NUP210L: variants seen among roughly 807,000 people sequenced by gnomAD.
NUP210L encodes nucleoporin 210 like, also known as nuclear pore membrane glycoprotein 210-like.
A neutral mutation model predicts 208.5 loss-of-function variants in NUP210L; 74 were observed. The observed-to-expected ratio is 0.35, with a 90% confidence interval of 0.29 to 0.43. The LOEUF (loss-of-function observed/expected upper bound fraction) is 0.43. Among genes scored for constraint, NUP210L ranks in the 20% least tolerant of loss-of-function variants. The pLI is 1.00. For synonymous variants in NUP210L, 780 were observed against 816.9 expected, an observed-to-expected ratio of 0.95 and a Z score of 0.77; for missense variants, 1,843 against 2,289.4, an observed-to-expected ratio of 0.81 and a Z score of 3.98.
At chr1:154,067,823 C>T (rs1478546576) in intron 17 of NUP210L, among the ~76,000 whole-genome samples, 1 of 152,178 alleles carries the variant, frequency 6.6e-6, no homozygotes, top group African/African-American at 2.4e-5. Context: ...AGAGCCAAAT[C>T]ATGAGTGAAC....
At chr1:154,118,232 C>T (rs1443876162) in intron 11 of NUP210L, among the ~76,000 whole-genome samples, 1 of 151,986 alleles carries the variant, frequency 6.6e-6, no homozygotes, top group African/African-American at 2.4e-5. Context: ...TCGCTTCAAC[C>T]TGGGAGACAG....
At chr1:154,138,270 A>C in intron 5 of NUP210L, 32 bp from the exon 6 acceptor site, 1 of 1,502,754 alleles carries the variant, frequency 6.7e-7, no homozygotes, top group East Asian at 2.6e-5. Context: ...AAAAAAAAAC[A>C]GTTTCCATGG....
At chr1:154,112,605 C>T (rs553893648) in intron 12 of NUP210L, among the ~76,000 whole-genome samples, 1 of 152,124 alleles carries the variant, frequency 6.6e-6, no homozygotes, top group Admixed American at 6.6e-5. Context: ...TTAAAAATTA[C>T]AGCACTTTGG....
intron 6 of NUP210L, 54 bp from the exon 7 acceptor site, chr1:154,136,026 A>G: frequency 1.7e-6 from 2 of 1,181,320 alleles, no homozygotes; most frequent in South Asian, 2.5e-5. Context: ...TCCAGTAGAT[A>G]ATGATGTATT....
At chr1:154,094,662 T>C (rs1339945724) in intron 15 of NUP210L, among the ~76,000 whole-genome samples, 2 of 152,166 alleles carry the variant, frequency 1.3e-5, no homozygotes, top group Non-Finnish European at 1.5e-5. Context: ...ATAATGATAA[T>C]GTGATTGCAA....
intron 12 of NUP210L, among the ~76,000 whole-genome samples, chr1:154,109,051 G>C (rs2148077333): frequency 6.6e-6 from 1 of 151,864 alleles, no homozygotes; most frequent in African/African-American, 2.4e-5. Context: ...GGTGAGCCGA[G>C]ATCATGCCAT....
At chr1:154,057,756 C>T (rs1212187314) in intron 22 of NUP210L, among the ~76,000 whole-genome samples, 5 of 144,190 alleles carry the variant, frequency 3.5e-5, no homozygotes, top group East Asian at 2.2e-4. Flanking sequence ...AGATGTAGGC[C>T]GTGCTATGTT....
chr1:154,023,874 C>T (rs1294608446), intron 30 of NUP210L, among the ~76,000 whole-genome samples: 9 of 151,712 alleles, frequency 5.9e-5, no homozygotes, highest in Admixed American at 5.9e-4. Context: ...CTGCAACCTC[C>T]GCCTCCTGGG....
chr1:154,013,111 T>C (rs914954278), intron 33 of NUP210L, among the ~76,000 whole-genome samples: 3 of 144,948 alleles, frequency 2.1e-5, no homozygotes, highest in East Asian at 4.0e-4. Context: ...TTGCCCCAGG[T>C]GGTCTAGAAC....
intron 13 of NUP210L, among the ~76,000 whole-genome samples, chr1:154,103,620 C>T (rs1200006057): frequency 7.2e-6 from 1 of 139,330 alleles, no homozygotes; most frequent in Middle Eastern, 3.4e-3. Context: ...TGCAGTGAGC[C>T]GAGATCGCGC....
chr1:154,126,521 T>A (rs766938676), intron 9 of NUP210L, 58 bp from the exon 10 acceptor site: 91 of 1,446,948 alleles, frequency 6.3e-5, no homozygotes, highest in Non-Finnish European at 8.3e-5. Context: ...CCTGAAGTCA[T>A]CTTAATCCCA....
At chr1:154,021,450 G>T (rs1484084209) in intron 32 of NUP210L, among the ~76,000 whole-genome samples, 2 of 151,510 alleles carry the variant, frequency 1.3e-5, no homozygotes, top group East Asian at 3.9e-4. Context: ...TCATGTCACT[G>T]CCCACTGCCC....
At chr1:154,060,013 C>T (rs778239918) in intron 20 of NUP210L, among the ~76,000 whole-genome samples, 14 of 152,034 alleles carry the variant, frequency 9.2e-5, no homozygotes, top group Non-Finnish European at 1.9e-4. Context: ...GCACTTTGGG[C>T]AGATCACTTG....
chr1:154,060,563 T>G lies in NUP210L; in HGVS notation c.2827A>C (p.Met943Leu), dbSNP rs368673993. Reference sequence around the variant, plus strand: ...ACCTCAACAGAGCTTTCTGCTTCCATGTAAGTGATGGTGACAACACCCTGC... The same window carrying G: ...ACCTCAACAGAGCTTTCTGCTTCCAGGTAAGTGATGGTGACAACACCCTGC... The change falls in exon 20 of 40, where the codon ATG becomes CTG. Residue 943 changes from methionine to leucine, a missense_variant. Physicochemically the swap from Met to Leu is conservative, Grantham distance 15. Around this residue, in one of 5 missense-constraint regions of NUP210L, gnomAD observed 408 missense variants for 600.8 expected, o/e 0.68. Transcript: ENST00000368559. The G allele has an allele frequency of 1.2e-5, 19 of 1,612,762 alleles. No individual in the cohort carries two copies. The highest frequency in any genetic ancestry group is 1.6e-5 in the Non-Finnish European group (19 of 1,178,826).
At chr1:154,105,985 G>C (rs1656737973) in intron 12 of NUP210L, among the ~76,000 whole-genome samples, 1 of 152,180 alleles carries the variant, frequency 6.6e-6, no homozygotes, top group South Asian at 2.1e-4. Flanking sequence ...AGGGGGCTGG[G>C]TGCGGTGGCT....
At chr1:154,029,094 A>G (rs1445727697) in intron 28 of NUP210L, among the ~76,000 whole-genome samples, 1 of 151,272 alleles carries the variant, frequency 6.6e-6, no homozygotes, top group South Asian at 2.1e-4. Flanking sequence ...AAAACAAAAA[A>G]CAAGCCAGGC....
intron 37 of NUP210L, among the ~76,000 whole-genome samples, chr1:153,999,199 A>C (rs1439117500): frequency 6.6e-6 from 1 of 152,214 alleles, no homozygotes; most frequent in Non-Finnish European, 1.5e-5. Context: ...CCCAGTAATT[A>C]AGTAGCTTCC....
At chr1:154,046,001 T>A in intron 27 of NUP210L, 68 bp downstream of exon 27, 1 of 1,428,358 alleles carries the variant, frequency 7.0e-7, no homozygotes, top group Non-Finnish European at 9.5e-7. Flanking sequence ...AAAAGAAACT[T>A]ATGATAAATT....
intron 7 of NUP210L, among the ~76,000 whole-genome samples, chr1:154,134,164 T>A (rs56321955): frequency 0.21 from 30,028 of 146,464 alleles, 3,442 homozygotes; most frequent in African/African-American, 0.25. Context: ...AAAAAAATAA[T>A]AATAATAATA....
Sources: allele counts gnomAD v4.1 joint callset (sites outside exome capture counted in the v4.1 genomes callset), GRCh38; gene constraint gnomAD v4.1.1; regional missense constraint gnomAD v4.1.1; transcripts MANE v1.5; gene names NCBI Gene and HGNC (gene_info 2026-07-23, HGNC 2026-07-21).